Variants in VSIG10 observed in about 807,000 individuals in gnomAD.
The protein encoded by VSIG10 is V-set and immunoglobulin domain containing 10.
A neutral mutation model predicts 58.7 loss-of-function variants in VSIG10; 48 were observed. The observed-to-expected ratio is 0.82, with a 90% CI of 0.65 to 1.04. The LOEUF is 1.04. Among genes scored for constraint, VSIG10 ranks in the 50% least tolerant of loss-of-function variants. The pLI is 0.00. For missense variants in VSIG10, 628 were observed against 670.0 expected (o/e 0.94, Z 0.69); for synonymous variants, 260 against 267.1 (o/e 0.97, Z 0.26).
intron 2 of VSIG10, among the ~76,000 whole-genome samples, chr12:118,094,759 C>T (rs537691851): frequency 1.8e-4 from 27 of 150,868 alleles, no homozygotes; most frequent in African/African-American, 5.8e-4. Context: ...TTTTCTGAGA[C>T]GGAGTCTTGC....
chr12:118,099,871 C>A (rs1179660669), intron 1 of VSIG10, among the ~76,000 whole-genome samples: 1 of 152,196 alleles, frequency 6.6e-6, no homozygotes, highest in Non-Finnish European at 1.5e-5. Context: ...CTGAAGCCAG[C>A]CTGGAGCCCC....
chr12:118,082,520 T>C (rs895505215), intron 2 of VSIG10, 91 bp from the exon 3 acceptor site: 6 of 1,303,436 alleles, frequency 4.6e-6, no homozygotes, highest in Non-Finnish European at 6.3e-6. Flanking sequence ...GAACAGAAAA[T>C]AGCCAATGAA....
intron 5 of VSIG10, among the ~76,000 whole-genome samples, chr12:118,073,460 G>C (rs2032580267): frequency 6.6e-6 from 1 of 152,160 alleles, no homozygotes; most frequent in African/African-American, 2.4e-5. Flanking sequence ...ACATACACTA[G>C]ATATCTATTC....
intron 4 of VSIG10, among the ~76,000 whole-genome samples, chr12:118,077,553 C>T (rs192837615): frequency 1.3e-5 from 2 of 152,246 alleles, no homozygotes; most frequent in Middle Eastern, 3.4e-3. Flanking sequence ...TGACACTCCT[C>T]CCTTCAAAAA....
chr12:118,101,596 G>T (rs1005810843), intron 1 of VSIG10: 14 of 152,312 alleles, frequency 9.2e-5, no homozygotes, highest in African/African-American at 3.4e-4. Flanking sequence ...ATTATTTACA[G>T]AGTAGGAGTT....
At chr12:118,075,147 T>C (rs1031963855) in intron 4 of VSIG10, among the ~76,000 whole-genome samples, 3 of 115,532 alleles carry the variant, frequency 2.6e-5, no homozygotes, top group Non-Finnish European at 5.1e-5. Context: ...TATATATGTG[T>C]ATATGTATAT....
rs149755930 is a variant in VSIG10, at chr12:118,085,506, A to C, written c.362-3077T>G. On this transcript the variant is annotated intron_variant, in intron 2 of 8. Transcript: ENST00000359236. The stretch of plus-strand genomic sequence containing the variant: ...ACTGGGGTCTTTCATGGGCTGATTT[A>C]TCTCTCGATAGCTAAGCTCCTCAAA... Among the ~76,000 whole-genome samples the C allele has an allele frequency of 5.6e-3, 847 of 152,364 alleles. 9 individuals are homozygous for C. The highest frequency in any genetic ancestry group is 0.019 in the African/African-American group (787 of 41,600).
At chr12:118,073,562 G>T in intron 5 of VSIG10, 137 bp downstream of exon 5, 1 of 1,016,184 alleles carries the variant, frequency 9.8e-7, no homozygotes, top group Non-Finnish European at 1.4e-6. Flanking sequence ...ACCTTGTCAA[G>T]TCATAAGCAA....
chr12:118,073,080 A>G (rs1489209121), intron 5 of VSIG10, among the ~76,000 whole-genome samples: 2 of 152,078 alleles, frequency 1.3e-5, no homozygotes, highest in Non-Finnish European at 2.9e-5. Context: ...GATTCAAGCA[A>G]TTCTGCCTCA....
chr12:118,066,700 TGGG>T lies in VSIG10; in HGVS notation c.1568-9_1568-7del. 1 of 1,596,040 alleles carries T rather than the reference TGGG, an allele frequency of 6.3e-7. No homozygotes were observed. The highest frequency in any genetic ancestry group is 8.5e-7 in the Non-Finnish European group (1 of 1,169,876). The stretch of plus-strand genomic sequence containing the variant: ...TTGCTCCTCACTGCTGTCATCTGTA[TGGG>T]GGGAAATAAACCCAATGCTTTGTAA... On this transcript the variant is annotated splice_polypyrimidine_tract_variant and splice_region_variant and intron_variant, in intron 8 of 8. Coordinates refer to ENST00000359236, the MANE Select transcript of VSIG10 (RefSeq NM_019086.6).
At chr12:118,080,358 G>A (rs1171049450) in intron 3 of VSIG10, among the ~76,000 whole-genome samples, 1 of 150,554 alleles carries the variant, frequency 6.6e-6, no homozygotes, top group African/African-American at 2.4e-5. Context: ...ACAGGGTTTT[G>A]CCATGTTGCC....
rs1244328298 is a variant in VSIG10 at position 118,071,702 on chromosome 12, C to T, written c.1220-233G>A. Among the ~76,000 whole-genome samples the T allele has an allele frequency of 3.9e-5, 6 of 152,328 alleles. No homozygotes were observed. The East Asian group carries it at 1.2e-3, about 29-fold the overall frequency. ...CAATGGAAAGTTAAAATCTCTCTGT[C>T]TACCAAACACTGAGACTATTTCTAA... On this transcript the variant is annotated intron_variant, in intron 5 of 8. Coordinates refer to ENST00000359236, the MANE Select transcript of VSIG10 (RefSeq NM_019086.6).
At chr12:118,072,213 C>T (rs1388778427) in intron 5 of VSIG10, among the ~76,000 whole-genome samples, 4 of 151,832 alleles carry the variant, frequency 2.6e-5, no homozygotes, top group Admixed American at 1.3e-4. Context: ...CGCCTGTAAT[C>T]CCAGCACTTT....
chr12:118,081,162 C>T (rs1244636842), intron 3 of VSIG10, among the ~76,000 whole-genome samples: 1 of 151,844 alleles, frequency 6.6e-6, no homozygotes, highest in Non-Finnish European at 1.5e-5. Context: ...AACTGAATTG[C>T]TTGAACCTGG....
chr12:118,093,412 G>A (rs1019683482), intron 2 of VSIG10, among the ~76,000 whole-genome samples: 3 of 151,438 alleles, frequency 2.0e-5, no homozygotes, highest in African/African-American at 4.8e-5. Context: ...GTCTCACTAT[G>A]TTAACCAAGC....
intron 1 of VSIG10, among the ~76,000 whole-genome samples, chr12:118,098,904 T>C (rs1405307319): frequency 8.4e-6 from 1 of 119,520 alleles, no homozygotes; most frequent in African/African-American, 3.0e-5. Context: ...TATTTAACTT[T>C]TTTTTTAAGA....
intron 2 of VSIG10, among the ~76,000 whole-genome samples, chr12:118,086,457 C>CA (rs1204253442): frequency 1.5e-4 from 22 of 144,040 alleles, no homozygotes; most frequent in South Asian, 2.2e-4. Context: ...AACTGCGTCT[C>CA]AAAAAAAAAA....
intron 4 of VSIG10, among the ~76,000 whole-genome samples, chr12:118,078,068 C>T (rs1005453125): frequency 1.3e-5 from 2 of 152,152 alleles, no homozygotes; most frequent in African/African-American, 4.8e-5. Context: ...TAAATTTGAT[C>T]CTCAGTGTTG....
chr12:118,091,764 T>A (rs2033305836), intron 2 of VSIG10, among the ~76,000 whole-genome samples: 1 of 152,052 alleles, frequency 6.6e-6, no homozygotes, highest in African/African-American at 2.4e-5. Flanking sequence ...ATTATTATCA[T>A]TTCTTTTTTT....
Sources: allele counts gnomAD v4.1 joint callset (sites outside exome capture counted in the v4.1 genomes callset), GRCh38; gene constraint gnomAD v4.1.1; transcripts MANE v1.5; gene names NCBI Gene and HGNC (gene_info 2026-07-23, HGNC 2026-07-21).